The following DEPTOR variants were observed in gnomAD, a reference collection of about 807,000 sequenced individuals.
The protein encoded by DEPTOR is DEP domain containing MTOR interacting protein.
DEPTOR carries 41 observed loss-of-function variants against 41.6 expected under a neutral mutation model. The observed-to-expected ratio is 0.98, with a 90% CI of 0.77 to 1.28. The LOEUF is 1.28. Ranked by LOEUF, DEPTOR falls within the 50% of genes most tolerant of loss-of-function variation. The pLI is 0.00. For missense variants in DEPTOR, 514 were observed against 527.9 expected, an observed-to-expected ratio of 0.97 and a Z score of 0.26; for synonymous variants, 195 against 192.3, an observed-to-expected ratio of 1.01 and a Z score of -0.12.
intron 1 of DEPTOR, among the ~76,000 whole-genome samples, chr8:119,889,362 C>T (rs750024792): frequency 6.6e-6 from 1 of 151,456 alleles, no homozygotes; most frequent in Non-Finnish European, 1.5e-5. Context: ...GCCTGGGCAA[C>T]ACTGGGAGAC....
chr8:119,900,368 C>A (rs1586605653), intron 1 of DEPTOR, among the ~76,000 whole-genome samples: 3 of 70,850 alleles, frequency 4.2e-5, no homozygotes, highest in South Asian at 5.7e-4. Context: ...ATGTCTATTA[C>A]ACACCCCTCA....
chr8:119,887,915 C>G (rs894289293), intron 1 of DEPTOR, among the ~76,000 whole-genome samples: 1 of 144,708 alleles, frequency 6.9e-6, no homozygotes, highest in Admixed American at 7.5e-5. Flanking sequence ...TAACCCTACC[C>G]GCTCAAGTGA....
rs185653616 is a variant in DEPTOR, at chr8:119,914,183, C to T, written c.123-14217C>T. On this transcript the variant is annotated intron_variant, in intron 1 of 8. Transcript: ENST00000286234. ...TCCTCAGCCTCCCAAGTAGCTGGGACGACAGGCGAGTGCCACCATGCCTAA... is the reference window on the plus strand; with the variant it reads ...TCCTCAGCCTCCCAAGTAGCTGGGATGACAGGCGAGTGCCACCATGCCTAA... 2.5e-3 allele frequency among the ~76,000 whole-genome samples: 376 copies of T among 148,470 alleles called. 1 individual carries two copies. The highest frequency in any genetic ancestry group is 8.7e-3 in the African/African-American group (350 of 40,282).
chr8:120,015,889 C>T (rs1365983373), intron 8 of DEPTOR, among the ~76,000 whole-genome samples: 1 of 152,020 alleles, frequency 6.6e-6, no homozygotes. Flanking sequence ...TATGCAAATG[C>T]AGGGCACCCT....
At chr8:119,928,607 TGA>T (rs1411373818) in intron 2 of DEPTOR, 29 bp downstream of exon 2, 1 of 1,604,448 alleles carries the variant, frequency 6.2e-7, no homozygotes, top group Non-Finnish European at 8.5e-7. Context: ...CAAGGTGACT[TGA>T]GAGAAATGGA....
At chr8:120,037,815 T>C (rs948632480) in intron 8 of DEPTOR, among the ~76,000 whole-genome samples, 1 of 152,140 alleles carries the variant, frequency 6.6e-6, no homozygotes, top group Non-Finnish European at 1.5e-5. Flanking sequence ...CAGGTTATTG[T>C]TAAAAGAGTG....
intron 1 of DEPTOR, among the ~76,000 whole-genome samples, chr8:119,884,830 C>T (rs141428470): frequency 0.019 from 2,799 of 147,684 alleles, 85 homozygotes; most frequent in African/African-American, 0.069. Context: ...CTGCAACCTC[C>T]GCTTCCAGGG....
At chr8:119,874,087 G>T in intron 1 of DEPTOR, 119 bp downstream of exon 1, 1 of 1,533,162 alleles carries the variant, frequency 6.5e-7, no homozygotes, top group Non-Finnish European at 8.8e-7. Context: ...GCGCCGGAAC[G>T]GCTGCGGGCG....
At chr8:119,933,087 G>T (rs1033846699) in intron 3 of DEPTOR, among the ~76,000 whole-genome samples, 2 of 152,084 alleles carry the variant, frequency 1.3e-5, no homozygotes, top group Non-Finnish European at 2.9e-5. Flanking sequence ...GAGTGGGGAA[G>T]TGGCAATCTG....
chr8:119,979,881 A>C (rs1359182032), intron 4 of DEPTOR, among the ~76,000 whole-genome samples: 1 of 152,162 alleles, frequency 6.6e-6, no homozygotes, highest in East Asian at 1.9e-4. Context: ...TGGGAACAAA[A>C]TGTGCTTCCT....
At chr8:119,894,665 A>G (rs10090336) in intron 1 of DEPTOR, among the ~76,000 whole-genome samples, 74,748 of 151,310 alleles carry the variant, frequency 0.49, 20,108 homozygotes, top group East Asian at 0.92. Flanking sequence ...CAAAGTGCTA[A>G]GATTACAGGC....
intron 8 of DEPTOR, among the ~76,000 whole-genome samples, chr8:120,017,332 A>C (rs896421197): frequency 6.6e-6 from 1 of 152,160 alleles, no homozygotes; most frequent in Admixed American, 6.6e-5. Context: ...TAAATGTCAG[A>C]GTTAGATTCA....
chr8:120,032,164 A>G (rs1276037432), intron 8 of DEPTOR, among the ~76,000 whole-genome samples: 1 of 150,992 alleles, frequency 6.6e-6, no homozygotes. Flanking sequence ...GAAGCACTTC[A>G]GTTACTTATA....
intron 6 of DEPTOR, among the ~76,000 whole-genome samples, chr8:120,004,753 A>G (rs1812407183): frequency 6.6e-6 from 1 of 152,080 alleles, no homozygotes; most frequent in Non-Finnish European, 1.5e-5. Context: ...TGTGGTTTGT[A>G]AATTCCACTT....
At chr8:119,942,801 A>T (rs1424999571) in intron 3 of DEPTOR, among the ~76,000 whole-genome samples, 2 of 152,110 alleles carry the variant, frequency 1.3e-5, no homozygotes, top group Non-Finnish European at 2.9e-5. Flanking sequence ...CTGTTTTTTC[A>T]TGGGAAAATG....
chr8:119,965,968 C>G (rs1173104288), intron 4 of DEPTOR, among the ~76,000 whole-genome samples: 1 of 152,146 alleles, frequency 6.6e-6, no homozygotes, highest in South Asian at 2.1e-4. Flanking sequence ...CCCTTTGTAT[C>G]TGTGGGTTCT....
At chr8:120,048,189 G>A (rs1813181878) in intron 8 of DEPTOR, among the ~76,000 whole-genome samples, 1 of 152,170 alleles carries the variant, frequency 6.6e-6, no homozygotes, top group Non-Finnish European at 1.5e-5. Flanking sequence ...CATCTTTTTG[G>A]AAAAAGAAAC....
intron 1 of DEPTOR, among the ~76,000 whole-genome samples, chr8:119,916,887 T>A (rs1467390376): frequency 1.3e-5 from 2 of 152,206 alleles, no homozygotes; most frequent in Non-Finnish European, 2.9e-5. Flanking sequence ...TAAGACAGGG[T>A]CTGGATTTGT....
At chr8:119,938,013 G>A (rs915504628) in intron 3 of DEPTOR, among the ~76,000 whole-genome samples, 2 of 152,120 alleles carry the variant, frequency 1.3e-5, no homozygotes, top group Non-Finnish European at 2.9e-5. Flanking sequence ...TATCTCTTAG[G>A]TCTGTTCACT....
Sources: gnomAD v4.1 joint callset for allele counts (sites outside exome capture counted in the v4.1 genomes callset) on GRCh38, gnomAD v4.1.1 for gene constraint, MANE v1.5 for transcripts, NCBI Gene and HGNC (gene_info 2026-07-23, HGNC 2026-07-21) for gene names.